Variants in SGMS1 observed in about 807,000 individuals in gnomAD.
SGMS1 encodes phosphatidylcholine:ceramide cholinephosphotransferase 1.
SGMS1 carries 13 observed loss-of-function variants against 46.2 expected under a neutral mutation model. The ratio of observed to expected loss-of-function variants is 0.28; its 90% CI spans 0.18 to 0.45. The LOEUF is 0.45. Ranked by LOEUF, SGMS1 falls within the 20% of genes least tolerant of loss-of-function variation. The pLI, the probability that SGMS1 is intolerant of heterozygous loss-of-function variation, is 1.00. For synonymous variants in SGMS1, 203 were observed against 187.8 expected (o/e 1.08, Z -0.66); for missense variants, 324 against 519.9 (o/e 0.62, Z 3.66).
At chr10:50,485,041 G>A (rs1027906048) in intron 3 of SGMS1, among the ~76,000 whole-genome samples, 2 of 152,078 alleles carry the variant, frequency 1.3e-5, no homozygotes, top group African/African-American at 4.8e-5. Context: ...GGAAGTTCTG[G>A]CAGGGCAATA....
At chr10:50,567,885 A>G (rs1296743187) in intron 2 of SGMS1, among the ~76,000 whole-genome samples, 1 of 152,212 alleles carries the variant, frequency 6.6e-6, no homozygotes, top group African/African-American at 2.4e-5. Context: ...AGAAATATTA[A>G]ATTTCTAAAC....
At chr10:50,323,809 T>C (rs1847486954) in intron 8 of SGMS1, among the ~76,000 whole-genome samples, 1 of 152,234 alleles carries the variant, frequency 6.6e-6, no homozygotes, top group Non-Finnish European at 1.5e-5. Flanking sequence ...TCTTAAATAT[T>C]GCTCAAGTCT....
intron 5 of SGMS1, among the ~76,000 whole-genome samples, chr10:50,446,314 A>T (rs1837012740): frequency 6.6e-6 from 1 of 152,276 alleles, no homozygotes; most frequent in South Asian, 2.1e-4. Flanking sequence ...TGGGCATCAC[A>T]GAACCTGCCA....
intron 6 of SGMS1, among the ~76,000 whole-genome samples, chr10:50,365,860 C>A (rs1043647533): frequency 3.9e-5 from 6 of 152,086 alleles, no homozygotes; most frequent in Non-Finnish European, 7.4e-5. Flanking sequence ...GGTTCCATGT[C>A]TTTGCTATTG....
At chr10:50,372,792 G>GA (rs1374459966) in intron 6 of SGMS1, among the ~76,000 whole-genome samples, 1 of 152,120 alleles carries the variant, frequency 6.6e-6, no homozygotes, top group African/African-American at 2.4e-5. Flanking sequence ...TCAAGGAGGA[G>GA]AAAAAATCAG....
intron 5 of SGMS1, among the ~76,000 whole-genome samples, chr10:50,457,571 C>T (rs1033115895): frequency 3.9e-5 from 6 of 152,028 alleles, no homozygotes; most frequent in African/African-American, 4.8e-5. Context: ...TCCATGCCTC[C>T]CCCACCCTCT....
At chr10:50,598,131 C>T (rs11006259) in intron 1 of SGMS1, among the ~76,000 whole-genome samples, 58,438 of 148,258 alleles carry the variant, frequency 0.39, 12,570 homozygotes, top group Non-Finnish European at 0.48. Flanking sequence ...CCCAGTGTGA[C>T]GGTATTCAGA....
chr10:50,405,015 T>C (rs1265787082), intron 6 of SGMS1, among the ~76,000 whole-genome samples: 1 of 152,096 alleles, frequency 6.6e-6, no homozygotes, highest in Admixed American at 6.5e-5. Context: ...AAAAGCAAGA[T>C]AGACGCAGAT....
intron 2 of SGMS1, among the ~76,000 whole-genome samples, chr10:50,581,407 T>A (rs1396639105): frequency 1.3e-5 from 2 of 152,162 alleles, no homozygotes; most frequent in African/African-American, 4.8e-5. Flanking sequence ...GTGGAGAATA[T>A]GAAATAGGAT....
At chr10:50,587,712 C>A (rs977862748) in intron 2 of SGMS1, among the ~76,000 whole-genome samples, 2 of 149,394 alleles carry the variant, frequency 1.3e-5, no homozygotes, top group Non-Finnish European at 3.0e-5. Flanking sequence ...GGCTTCCAGT[C>A]AACAGTAGGC....
chr10:50,594,866 T>C (rs1838576031), intron 1 of SGMS1, among the ~76,000 whole-genome samples: 1 of 152,246 alleles, frequency 6.6e-6, no homozygotes, highest in African/African-American at 2.4e-5. Context: ...CTCAACCTCC[T>C]GACAGTTCTC....
intron 2 of SGMS1, among the ~76,000 whole-genome samples, chr10:50,568,403 A>G (rs1838308526): frequency 6.6e-6 from 1 of 152,252 alleles, no homozygotes; most frequent in Admixed American, 6.5e-5. Flanking sequence ...AAAGGGAGCC[A>G]CCAGCGTCCC....
chr10:50,481,677 G>A (rs985549772), intron 3 of SGMS1, among the ~76,000 whole-genome samples: 1 of 152,198 alleles, frequency 6.6e-6, no homozygotes, highest in African/African-American at 2.4e-5. Context: ...AGGCTGAGAT[G>A]GATGAAGTAA....
chr10:50,553,779 A>G (rs976981087), intron 2 of SGMS1, among the ~76,000 whole-genome samples: 1 of 152,246 alleles, frequency 6.6e-6, no homozygotes, highest in African/African-American at 2.4e-5. Context: ...CTCTTCTTGC[A>G]TAGGTCATCT....
chr10:50,406,159 C>G (rs1290013584), intron 6 of SGMS1, among the ~76,000 whole-genome samples: 1 of 152,154 alleles, frequency 6.6e-6, no homozygotes, highest in Admixed American at 6.5e-5. Flanking sequence ...TACAAATTCA[C>G]CATTTACAGC....
intron 7 of SGMS1, among the ~76,000 whole-genome samples, chr10:50,336,333 A>G (rs1847717182): frequency 6.6e-6 from 1 of 152,208 alleles, no homozygotes; most frequent in Non-Finnish European, 1.5e-5. Context: ...AAGTAAAAGA[A>G]TAAGGTTGGG....
At chr10:50,524,523 C>G (rs1368928822) in intron 2 of SGMS1, among the ~76,000 whole-genome samples, 2 of 152,150 alleles carry the variant, frequency 1.3e-5, no homozygotes, top group Non-Finnish European at 2.9e-5. Flanking sequence ...GTGCCCCAGC[C>G]CTATGCTCAC....
intron 8 of SGMS1, among the ~76,000 whole-genome samples, chr10:50,316,795 C>T (rs1210150580): frequency 3.3e-5 from 5 of 152,104 alleles, no homozygotes; most frequent in Admixed American, 3.3e-4. Context: ...TGGTAGAATC[C>T]TCATCAATCT....
chr10:50,387,120 A>G (rs920973810), intron 6 of SGMS1, among the ~76,000 whole-genome samples: 1 of 152,172 alleles, frequency 6.6e-6, no homozygotes, highest in Non-Finnish European at 1.5e-5. Context: ...CCAACTGGGG[A>G]TACCATCGAT....
Sources: allele counts gnomAD v4.1 joint callset (sites outside exome capture counted in the v4.1 genomes callset), GRCh38; gene constraint gnomAD v4.1.1; transcripts MANE v1.5; gene names NCBI Gene and HGNC (gene_info 2026-07-23, HGNC 2026-07-21).